MTPAP: variants seen among roughly 807,000 people sequenced by gnomAD.
The protein encoded by MTPAP is mitochondrial poly(A) polymerase.
In MTPAP, 23 loss-of-function variants were observed where a neutral mutation model predicts 48.7. The ratio of observed to expected loss-of-function variants is 0.47; its 90% CI spans 0.34 to 0.67. The LOEUF is 0.67. Ranked by LOEUF, MTPAP falls within the 30% of genes least tolerant of loss-of-function variation. The pLI is 0.01. For synonymous variants in MTPAP, 257 were observed against 254.1 expected (o/e 1.01, Z -0.11); for missense variants, 614 against 694.3 (o/e 0.88, Z 1.30).
intron 5 of MTPAP, among the ~76,000 whole-genome samples, chr10:30,323,088 C>G (rs1331497342): frequency 1.6e-5 from 2 of 124,550 alleles, no homozygotes; most frequent in Non-Finnish European, 3.2e-5. Flanking sequence ...GAGACCATAC[C>G]AGTGTACTCC....
At chr10:30,322,330 G>C in intron 6 of MTPAP, 61 bp downstream of exon 6, 1 of 1,312,188 alleles carries the variant, frequency 7.6e-7, no homozygotes, top group Middle Eastern at 1.8e-4. Context: ...GTAACACATG[G>C]TAATTATATT....
Position 30,313,776 on chromosome 10 carries a change from C to T in MTPAP, c.1582G>A (p.Val528Ile), listed in dbSNP as rs1460157406. The stretch of plus-strand genomic sequence containing the variant: ...GGAGCAGATGGTAGCAATAGGGATA[C>T]CAGCCCCCAGGGCCGATTACTTGAT... ...SISSNRPWGL[V>I]SLLLPSAPNR... Residue 528 changes from valine to isoleucine, a missense_variant, in exon 9 of 9, where the codon GTA becomes ATA. Transcript: ENST00000263063. The T allele has an allele frequency of 1.9e-6, 3 of 1,614,140 alleles. No individual in the cohort carries two copies. The highest frequency in any genetic ancestry group is 2.5e-6 in the Non-Finnish European group (3 of 1,180,000).
chr10:30,317,603 C>T (rs540319509), intron 6 of MTPAP, among the ~76,000 whole-genome samples: 55 of 152,314 alleles, frequency 3.6e-4, no homozygotes, highest in African/African-American at 1.3e-3. Context: ...TCAGAAATCT[C>T]ATCAATGGCT....
Position 30,322,502 on chromosome 10 carries a change from T to C in MTPAP, c.1108A>G (p.Ile370Val), listed in dbSNP as rs925458590. 18 of 1,613,730 alleles carry C rather than the reference T, an allele frequency of 1.1e-5. No individual in the cohort carries two copies. The Admixed American group carries it at 1.2e-4, about 10-fold the overall frequency. ...WARAHSLTSSIPGAWITNFSL... is the reference protein window; with the variant it reads ...WARAHSLTSSVPGAWITNFSL... ...AAATTTGTAATCCATGCACCAGGAA[T>C]ACTACTTGTTAGTGAATGTGCTCGA... Residue 370 changes from isoleucine (I) to valine (V), a missense_variant, in exon 6 of 9, where the codon ATT becomes GTT. By Grantham distance (29) the Ile-to-Val change is conservative. This residue lies in a region of MTPAP where 261 missense variants were observed against 355.4 expected (regional missense o/e 0.73). Coordinates refer to ENST00000263063, the MANE Select transcript of MTPAP (RefSeq NM_018109.4).
chr10:30,327,333 CAA>C (rs34178588), intron 4 of MTPAP, among the ~76,000 whole-genome samples: 60 of 127,232 alleles, frequency 4.7e-4, no homozygotes, highest in South Asian at 1.5e-3. Flanking sequence ...TTTAAAAATA[CAA>C]AAAAAAAAAA....
chr10:30,337,167 G>C, intron 3 of MTPAP, 140 bp from the exon 4 acceptor site: 1 of 788,914 alleles, frequency 1.3e-6, no homozygotes, highest in Non-Finnish European at 2.1e-6. Context: ...GCTCACGCCT[G>C]TAATCCCAAC....
rs11310410 is a variant in MTPAP at position 30,310,581 on chromosome 10, CAAA to C, written c.*3025_*3027del. The C allele has an allele frequency of 2.1e-4, 22 of 102,682 alleles. No homozygotes were observed. The highest frequency in any genetic ancestry group is 2.8e-4 in the Non-Finnish European group (14 of 50,286). The allele number at this position is 102,682 out of a possible 1,614,324, so 6.4% of individuals were successfully genotyped here. On this transcript the variant is annotated 3_prime_UTR_variant, in exon 9 of 9. Coordinates refer to ENST00000263063, the MANE Select transcript of MTPAP (RefSeq NM_018109.4). ...CTGGGTGACAGAGGGAGACCCATCT[CAAA>C]AAAAAAAAAAAAAAAGGGTCTTTGT... is the stretch of plus-strand genomic sequence containing the variant.
intron 5 of MTPAP, among the ~76,000 whole-genome samples, chr10:30,322,888 G>A (rs181411473): frequency 1.6e-4 from 24 of 152,022 alleles, no homozygotes; most frequent in Non-Finnish European, 2.9e-4. Flanking sequence ...TGTAATCCTA[G>A]CACTCTGGGA....
chr10:30,314,884 C>CAAAAAAAAAAAAAAAAAAAAA (rs34249388), intron 8 of MTPAP, among the ~76,000 whole-genome samples: 49 of 110,752 alleles, frequency 4.4e-4, no homozygotes, highest in Admixed American at 6.4e-4. Context: ...AAAACAAAAA[C>CAAAAAAAAAAAAAAAAAAAAA]AAAAAAAAAA....
intron 5 of MTPAP, 147 bp downstream of exon 5, chr10:30,326,277 A>G: frequency 1.4e-6 from 1 of 717,738 alleles, no homozygotes; most frequent in Non-Finnish European, 2.3e-6. Context: ...AGAAAAGATT[A>G]CTTACTTTTC....
chr10:30,314,494 G>A (rs999104674), intron 8 of MTPAP, among the ~76,000 whole-genome samples: 1 of 151,800 alleles, frequency 6.6e-6, no homozygotes, highest in Non-Finnish European at 1.5e-5. Context: ...AAAAAGAGGA[G>A]GAACAAAGGA....
rs1212017774 is a variant in MTPAP, at chr10:30,316,100, A to G, written c.1312+18T>C. 1 of 1,610,852 alleles carries G rather than the reference A, an allele frequency of 6.2e-7. No individual in the cohort carries two copies. Among genetic ancestry groups the G allele is most frequent in the Non-Finnish European group, 8.5e-7 (1 of 1,177,050 alleles). ...TGTTTCAATCCAGAAAGGATCAAGT[A>G]AACAGAAAGACACTTACCTAATGTT... is the stretch of plus-strand genomic sequence containing the variant. On this transcript the variant is annotated intron_variant, in intron 7 of 8. Coordinates refer to ENST00000263063, the MANE Select transcript of MTPAP (RefSeq NM_018109.4).
At position 30,313,827 on chromosome 10, in the gene MTPAP, G is replaced by T; in HGVS notation, c.1531C>A (p.Gln511Lys). 2 of 1,614,172 alleles carry T rather than the reference G, an allele frequency of 1.2e-6. No homozygotes were observed. The highest frequency in any genetic ancestry group is 1.7e-6 in the Non-Finnish European group (2 of 1,180,016). ...ATGGAAGGTCGATCTGTATCTTCCT[G>T]TTGTAAAATCCAGGCACTTTCTCGG... ...LARESAWILQ[Q>K]EDTDRPSISS... The change falls in exon 9 of 9, where the codon CAG (glutamine) becomes AAG (lysine). Residue 511 changes from glutamine to lysine, a missense_variant. Physicochemically the swap from Gln to Lys is moderately conservative, Grantham distance 53. Transcript: ENST00000263063.
chr10:30,318,458 T>C (rs545552610), intron 6 of MTPAP, among the ~76,000 whole-genome samples: 277 of 152,356 alleles, frequency 1.8e-3, no homozygotes, highest in African/African-American at 6.3e-3. Flanking sequence ...TAACAGTGTA[T>C]GTTTTTTTGT....
intron 6 of MTPAP, among the ~76,000 whole-genome samples, chr10:30,316,850 A>G (rs1448712933): frequency 6.6e-6 from 1 of 152,038 alleles, no homozygotes; most frequent in African/African-American, 2.4e-5. Context: ...AGATCACATC[A>G]CTGTTGCCTG....
chr10:30,348,703 G>A (rs1201575256), intron 1 of MTPAP, among the ~76,000 whole-genome samples: 1 of 152,136 alleles, frequency 6.6e-6, no homozygotes, highest in South Asian at 2.1e-4. Context: ...GATTCATCAG[G>A]CTACAATATA....
At position 30,341,456 on chromosome 10, in the gene MTPAP, T is replaced by G; in HGVS notation, c.330+12A>C. ...CATAAACGTTAAGTTAGATTGTTTT[T>G]CAAATACTTACAAAGCTTTCATAGA... On this transcript the variant is annotated intron_variant, in intron 2 of 8. Coordinates refer to ENST00000263063, the MANE Select transcript of MTPAP (RefSeq NM_018109.4). 1 of 1,611,040 alleles carries G rather than the reference T, an allele frequency of 6.2e-7. No homozygotes were observed. The highest frequency in any genetic ancestry group is 1.1e-5 in the South Asian group (1 of 90,680).
intron 5 of MTPAP, among the ~76,000 whole-genome samples, chr10:30,324,183 A>AAC (rs1001088647): frequency 2.0e-5 from 3 of 151,960 alleles, no homozygotes; most frequent in East Asian, 1.9e-4. Context: ...CATCATCTCA[A>AAC]ACACACACAC....
intron 2 of MTPAP, among the ~76,000 whole-genome samples, chr10:30,341,069 C>A (rs987932440): frequency 6.6e-6 from 1 of 152,050 alleles, no homozygotes; most frequent in African/African-American, 2.4e-5. Flanking sequence ...CTAAAGTATT[C>A]AAGCTGGGTG....
Sources: gnomAD v4.1 joint callset for allele counts (sites outside exome capture counted in the v4.1 genomes callset) on GRCh38, gnomAD v4.1.1 for gene constraint, gnomAD v4.1.1 regional missense constraint, MANE v1.5 for transcripts, NCBI Gene and HGNC (gene_info 2026-07-23, HGNC 2026-07-21) for gene names.